Variants in ARNT2 observed in about 807,000 individuals in gnomAD.
The protein encoded by ARNT2 is ARNT protein 2.
Under a neutral mutation model 91.7 loss-of-function variants are expected in ARNT2, and 36 were observed. The ratio of observed to expected loss-of-function variants is 0.39; its 90% confidence interval spans 0.30 to 0.52. ARNT2 has a LOEUF of 0.52. Ranked by LOEUF, ARNT2 falls within the 20% of genes least tolerant of loss-of-function variation. The pLI, the probability that ARNT2 is intolerant of heterozygous loss-of-function variation, is 0.72. For missense variants in ARNT2, 775 were observed against 939.3 expected, an observed-to-expected ratio of 0.83 and a Z score of 2.29; for synonymous variants, 365 against 347.1, an observed-to-expected ratio of 1.05 and a Z score of -0.57.
chr15:80,446,114 G>T (rs1305139524), intron 1 of ARNT2, among the ~76,000 whole-genome samples: 1 of 152,012 alleles, frequency 6.6e-6, no homozygotes, highest in Admixed American at 6.6e-5. Context: ...CAGGAGGTGC[G>T]TTGCTATCCC....
At chr15:80,561,953 A>G (rs1316604122) in intron 11 of ARNT2, among the ~76,000 whole-genome samples, 4 of 152,204 alleles carry the variant, frequency 2.6e-5, no homozygotes, top group African/African-American at 9.7e-5. Context: ...GTGTATATAT[A>G]GGAAACAGCA....
chr15:80,588,681 C>T (rs1245296073), intron 17 of ARNT2, among the ~76,000 whole-genome samples: 1 of 152,138 alleles, frequency 6.6e-6, no homozygotes, highest in African/African-American at 2.4e-5. Context: ...CAGACTGACC[C>T]TTTTCTCTAG....
Position 80,551,235 on chromosome 15 carries a change from A to G in ARNT2, c.914A>G (p.Gln305Arg), listed in dbSNP as rs1267800578. The G allele has an allele frequency of 4.3e-6, 7 of 1,613,958 alleles. No homozygotes were observed. The highest frequency in any genetic ancestry group is 5.9e-6 in the Non-Finnish European group (7 of 1,179,910). ...CCTGAAGAAGACGCTGATGTGGGAC[A>G]AGGCAGTAAATATTGCCTCGTGGCA... ...TIPEEDADVG[Q>R]GSKYCLVAIG... is the part of the protein sequence containing the mutation. Residue 305 changes from glutamine (Q) to arginine (R), a missense_variant, in exon 9 of 19, where the codon CAA becomes CGA. Gln to Arg is a conservative substitution (Grantham distance 43). This residue lies in a region of ARNT2 where 285 missense variants were observed against 327.2 expected (regional missense o/e 0.87). Coordinates refer to ENST00000303329, the MANE Select transcript of ARNT2 (RefSeq NM_014862.4).
chr15:80,479,551 C>T (rs774884167), intron 5 of ARNT2, among the ~76,000 whole-genome samples: 8 of 152,166 alleles, frequency 5.3e-5, no homozygotes, highest in Non-Finnish European at 1.2e-4. Context: ...TTGGCAAGTT[C>T]CTTTCTTCTC....
At chr15:80,467,841 C>T (rs1209315831) in intron 3 of ARNT2, among the ~76,000 whole-genome samples, 2 of 152,096 alleles carry the variant, frequency 1.3e-5, no homozygotes, top group Non-Finnish European at 2.9e-5. Flanking sequence ...ATGCAGGAGA[C>T]GTTGGTGAAG....
chr15:80,470,068 G>A (rs756700024), intron 3 of ARNT2, 150 bp from the exon 4 acceptor site: 25 of 740,804 alleles, frequency 3.4e-5, no homozygotes, highest in Non-Finnish European at 4.4e-5. Context: ...GGGCCATTTT[G>A]CCCAATAGTC....
At chr15:80,514,605 A>G (rs1301899651) in intron 8 of ARNT2, among the ~76,000 whole-genome samples, 200 bp downstream of exon 8, 1 of 152,162 alleles carries the variant, frequency 6.6e-6, no homozygotes, top group Non-Finnish European at 1.5e-5. Context: ...CTAATTGTGC[A>G]ACCAGACGCA....
chr15:80,527,086 A>C (rs989522933), intron 8 of ARNT2, among the ~76,000 whole-genome samples: 1 of 152,176 alleles, frequency 6.6e-6, no homozygotes, highest in Non-Finnish European at 1.5e-5. Flanking sequence ...ATGGAGAGTG[A>C]TGATTGGCAA....
At chr15:80,442,472 A>G (rs1271325192) in intron 1 of ARNT2, among the ~76,000 whole-genome samples, 2 of 152,218 alleles carry the variant, frequency 1.3e-5, no homozygotes. Flanking sequence ...TTCATCTCTG[A>G]CCATCGTTCA....
intron 5 of ARNT2, among the ~76,000 whole-genome samples, chr15:80,490,036 T>C (rs1461636970): frequency 6.6e-6 from 1 of 152,030 alleles, no homozygotes; most frequent in East Asian, 1.9e-4. Flanking sequence ...GGCAGCTTTG[T>C]CTTGGGAGGT....
intron 1 of ARNT2, among the ~76,000 whole-genome samples, chr15:80,411,353 G>A (rs979778457): frequency 3.3e-5 from 5 of 152,176 alleles, no homozygotes; most frequent in South Asian, 2.1e-4. Context: ...TAGATACCCA[G>A]TAGGGTTTTG....
At chr15:80,569,967 C>G (rs1898556616) in intron 12 of ARNT2, among the ~76,000 whole-genome samples, 1 of 152,270 alleles carries the variant, frequency 6.6e-6, no homozygotes, top group Non-Finnish European at 1.5e-5. Context: ...GGGGAGTTCA[C>G]TGCTTCAACC....
At chr15:80,577,361 G>A (rs1233479326) in intron 15 of ARNT2, among the ~76,000 whole-genome samples, 3 of 152,202 alleles carry the variant, frequency 2.0e-5, no homozygotes, top group Non-Finnish European at 4.4e-5. Context: ...GGTCAGCTCA[G>A]CCCACCACGT....
chr15:80,565,164 A>G (rs934715747), intron 12 of ARNT2, among the ~76,000 whole-genome samples: 37 of 152,076 alleles, frequency 2.4e-4, no homozygotes, highest in African/African-American at 8.5e-4. Context: ...GACTCAGGCA[A>G]TCTGCCTGCT....
At chr15:80,576,323 C>G (rs1390566764) in intron 14 of ARNT2, among the ~76,000 whole-genome samples, 1 of 151,994 alleles carries the variant, frequency 6.6e-6, no homozygotes, top group Non-Finnish European at 1.5e-5. Flanking sequence ...GTCGCCCAGG[C>G]TGGAGTGCAG....
Position 80,574,938 on chromosome 15 carries a change from T to C in ARNT2, c.1390-49T>C. ...TGGTGGCTCCTGGGGACGCATGTTC[T>C]GTGCCTTACGCATGAGTTGCTGTTG... On this transcript the variant is annotated intron_variant, in intron 13 of 18. Transcript: ENST00000303329. 3 of 1,598,718 alleles carry C rather than the reference T, an allele frequency of 1.9e-6. No individual in the cohort carries two copies. The South Asian group carries it at 3.3e-5, about 18-fold the overall frequency.
chr15:80,498,397 T>G (rs971014367), intron 5 of ARNT2, among the ~76,000 whole-genome samples: 2 of 152,232 alleles, frequency 1.3e-5, no homozygotes, highest in Admixed American at 6.5e-5. Context: ...ACTCTCTCTT[T>G]GCTACCACTT....
chr15:80,520,558 CA>C (rs150736881), intron 8 of ARNT2, among the ~76,000 whole-genome samples: 2,605 of 74,510 alleles, frequency 0.035, 64 homozygotes, highest in African/African-American at 0.12. Flanking sequence ...GTTCTTACCA[CA>C]AAAAAAAATA....
intron 8 of ARNT2, among the ~76,000 whole-genome samples, chr15:80,545,889 C>T (rs1897981815): frequency 6.6e-6 from 1 of 152,166 alleles, no homozygotes; most frequent in South Asian, 2.1e-4. Context: ...CATCCCTTCA[C>T]CCCGGAAGGA....
Sources: allele counts gnomAD v4.1 joint callset (sites outside exome capture counted in the v4.1 genomes callset), GRCh38; gene constraint gnomAD v4.1.1; regional missense constraint gnomAD v4.1.1; transcripts MANE v1.5; gene names NCBI Gene and HGNC (gene_info 2026-07-23, HGNC 2026-07-21).